Variants in SIAH3 observed in about 807,000 individuals in gnomAD.
The protein encoded by SIAH3 is siah E3 ubiquitin protein ligase family member 3, also known as seven in absentia homolog 3.
Under a neutral mutation model 12.6 loss-of-function variants are expected in SIAH3, and 9 were observed. That is an observed-to-expected ratio of 0.72 (90% CI 0.43 to 1.25). SIAH3 has a LOEUF of 1.25. Ranked by LOEUF, SIAH3 falls within the 50% of genes most tolerant of loss-of-function variation. The pLI is 0.00. For missense variants in SIAH3, 390 were observed against 365.4 expected, an observed-to-expected ratio of 1.07 and a Z score of -0.55; for synonymous variants, 154 against 151.1, an observed-to-expected ratio of 1.02 and a Z score of -0.14.
At chr13:45,820,786 A>C (rs1292900341) in intron 1 of SIAH3, among the ~76,000 whole-genome samples, 1 of 152,078 alleles carries the variant, frequency 6.6e-6, no homozygotes, top group Non-Finnish European at 1.5e-5. Context: ...CTCAGAACTT[A>C]CTGGCCTTAC....
At chr13:45,792,593 A>G (rs1018118286) in intron 1 of SIAH3, among the ~76,000 whole-genome samples, 73 of 152,090 alleles carry the variant, frequency 4.8e-4, no homozygotes, top group Non-Finnish European at 7.6e-4. Context: ...ACTGGCCTCA[A>G]GTGATCTGCC....
intron 1 of SIAH3, among the ~76,000 whole-genome samples, chr13:45,832,946 G>C (rs1410402611): frequency 2.6e-5 from 4 of 152,212 alleles, no homozygotes; most frequent in Non-Finnish European, 4.4e-5. Flanking sequence ...TCTTTATTTT[G>C]TGGTGGGACT....
chr13:45,842,603 C>T (rs1046515543), intron 1 of SIAH3, among the ~76,000 whole-genome samples: 2 of 152,324 alleles, frequency 1.3e-5, no homozygotes, highest in South Asian at 2.1e-4. Context: ...CTGCCTCAGC[C>T]TCCCAAACTG....
intron 1 of SIAH3, among the ~76,000 whole-genome samples, chr13:45,826,662 AT>A (rs1444543493): frequency 6.6e-6 from 1 of 152,186 alleles, no homozygotes; most frequent in Non-Finnish European, 1.5e-5. Flanking sequence ...CATAGTGGAC[AT>A]GTTAAACATA....
intron 1 of SIAH3, among the ~76,000 whole-genome samples, chr13:45,817,046 T>C (rs1276002716): frequency 6.6e-6 from 1 of 152,228 alleles, no homozygotes; most frequent in East Asian, 1.9e-4. Flanking sequence ...TCACTGGCTT[T>C]TTAGTATTAC....
At chr13:45,808,689 T>G (rs1950606309) in intron 1 of SIAH3, among the ~76,000 whole-genome samples, 1 of 144,568 alleles carries the variant, frequency 6.9e-6, no homozygotes, top group Non-Finnish European at 1.5e-5. Flanking sequence ...TATAATAAAC[T>G]TATGTCCATA....
At chr13:45,787,252 G>T (rs1383070448) in intron 1 of SIAH3, among the ~76,000 whole-genome samples, 1 of 152,142 alleles carries the variant, frequency 6.6e-6, no homozygotes. Context: ...ATTTGAACAG[G>T]CTGGGGCTCC....
intron 1 of SIAH3, among the ~76,000 whole-genome samples, chr13:45,805,962 A>G (rs948833544): frequency 6.6e-6 from 1 of 152,242 alleles, no homozygotes; most frequent in Non-Finnish European, 1.5e-5. Context: ...ATACAAATAT[A>G]TGAAATAATC....
At chr13:45,841,329 G>T (rs946541080) in intron 1 of SIAH3, among the ~76,000 whole-genome samples, 15 of 152,180 alleles carry the variant, frequency 9.9e-5, no homozygotes, top group Admixed American at 6.5e-4. Context: ...TCTCTATGGG[G>T]CCTTCCTAAT....
Position 45,782,012 on chromosome 13 carries a change from G to C in SIAH3, c.*1371C>G, listed in dbSNP as rs555693628. 9.2e-5 allele frequency: 14 copies of C among 151,842 alleles called. No homozygotes were observed. The highest frequency in any genetic ancestry group is 3.4e-4 in the African/African-American group (14 of 41,170). The allele number at this position is 151,842 out of a possible 1,614,324, so 9.4% of individuals were successfully genotyped here. On this transcript the variant is annotated 3_prime_UTR_variant, in exon 2 of 2. Coordinates refer to ENST00000400405, the MANE Select transcript of SIAH3 (RefSeq NM_198849.3). Reference sequence around the variant, plus strand: ...GTCTGGAGAGCAGCCAGAGGGGGGGGACAAATGCGATAAAAAGGAGCTAGA... The same window carrying C: ...GTCTGGAGAGCAGCCAGAGGGGGGGCACAAATGCGATAAAAAGGAGCTAGA...
intron 1 of SIAH3, among the ~76,000 whole-genome samples, chr13:45,831,099 A>G (rs1476637831): frequency 1.3e-5 from 2 of 152,006 alleles, no homozygotes; most frequent in South Asian, 2.1e-4. Flanking sequence ...GAATAGCTTG[A>G]ACCCGGGAGG....
intron 1 of SIAH3, among the ~76,000 whole-genome samples, chr13:45,795,710 T>G (rs995950224): frequency 4.6e-5 from 7 of 152,204 alleles, no homozygotes; most frequent in African/African-American, 1.7e-4. Context: ...GGGTAAGATC[T>G]GAGCCTCTTC....
rs74536881 is a variant in SIAH3, at chr13:45,788,630, A to G, written c.136-4573T>C. Among the ~76,000 whole-genome samples, 790 of 152,274 alleles carry G rather than the reference A, an allele frequency of 5.2e-3. 2 individuals carry two copies. Among genetic ancestry groups the G allele is most frequent in the Middle Eastern group, 0.01 (3 of 294 alleles). On this transcript the variant is annotated intron_variant, in intron 1 of 1. Coordinates refer to ENST00000400405, the MANE Select transcript of SIAH3 (RefSeq NM_198849.3). ...CCTTAATTTGATCAGCCACACTCCC[A>G]TGGTTGGTAATGGCCCTCCAAATCC...
At chr13:45,842,454 C>A (rs755111956) in intron 1 of SIAH3, among the ~76,000 whole-genome samples, 1 of 152,058 alleles carries the variant, frequency 6.6e-6, no homozygotes, top group African/African-American at 2.4e-5. Flanking sequence ...AGCGATCATC[C>A]CACCTCAGCC....
At chr13:45,797,828 G>C (rs1319611370) in intron 1 of SIAH3, among the ~76,000 whole-genome samples, 2 of 152,164 alleles carry the variant, frequency 1.3e-5, no homozygotes, top group Non-Finnish European at 2.9e-5. Context: ...ATCCCTTTAG[G>C]AATCAAATAG....
chr13:45,788,270 G>A (rs763615305), intron 1 of SIAH3, among the ~76,000 whole-genome samples: 3 of 152,302 alleles, frequency 2.0e-5, no homozygotes, highest in Non-Finnish European at 2.9e-5. Flanking sequence ...AATGCTAATC[G>A]TTTCAGAAAA....
intron 1 of SIAH3, among the ~76,000 whole-genome samples, chr13:45,791,998 ACC>A (rs1950547080): frequency 6.6e-6 from 1 of 152,090 alleles, no homozygotes; most frequent in South Asian, 2.1e-4. Flanking sequence ...AGCTGTCCCT[ACC>A]CATGAGATGA....
chr13:45,810,578 C>T lies in SIAH3; in HGVS notation c.136-26521G>A, dbSNP rs149051100. 5.1e-3 allele frequency among the ~76,000 whole-genome samples: 770 copies of T among 152,184 alleles called. 7 individuals are homozygous for T. The highest frequency in any genetic ancestry group is 0.018 in the African/African-American group (738 of 41,494). On this transcript the variant is annotated intron_variant, in intron 1 of 1. Transcript: ENST00000400405. ...TGTAGACTGGAATTTTGTCCCAGTG[C>T]GTTTGCCTGGGGCTGGTTGGTTTCT...
chr13:45,793,781 G>A lies in SIAH3; in HGVS notation c.136-9724C>T, dbSNP rs548735441. Among the ~76,000 whole-genome samples the A allele has an allele frequency of 3.9e-5, 6 of 152,316 alleles. No individual in the cohort carries two copies. In the South Asian group the frequency reaches 1.2e-3, roughly 32 times the overall value. Reference sequence around the variant, plus strand: ...GGTTAGAAGACTGCCCCCAAAAGATGTGTTCACATCCTAATCCCCAGAACC... The same window carrying A: ...GGTTAGAAGACTGCCCCCAAAAGATATGTTCACATCCTAATCCCCAGAACC... On this transcript the variant is annotated intron_variant, in intron 1 of 1. Coordinates refer to ENST00000400405, the MANE Select transcript of SIAH3 (RefSeq NM_198849.3).
Sources: allele counts gnomAD v4.1 joint callset (sites outside exome capture counted in the v4.1 genomes callset), GRCh38; gene constraint gnomAD v4.1.1; transcripts MANE v1.5; gene names NCBI Gene and HGNC (gene_info 2026-07-23, HGNC 2026-07-21).